Variants in CIP2A observed in about 807,000 individuals in gnomAD.
The protein encoded by CIP2A is cellular inhibitor of PP2A, also known as protein CIP2A.
Under a neutral mutation model 110.9 loss-of-function variants are expected in CIP2A, and 103 were observed. The ratio of observed to expected loss-of-function variants is 0.93; its 90% CI spans 0.79 to 1.09. CIP2A has a LOEUF of 1.09. CIP2A is among the 50% of genes least tolerant of loss of function. The pLI, the probability that CIP2A is intolerant of heterozygous loss-of-function variation, is 0.00. For synonymous variants in CIP2A, 381 were observed against 361.6 expected (o/e 1.05, Z -0.61); for missense variants, 1,088 against 1,038.4 (o/e 1.05, Z -0.66).
chr3:108,572,271 A>G (rs980860680), intron 8 of CIP2A, among the ~76,000 whole-genome samples: 3 of 152,000 alleles, frequency 2.0e-5, no homozygotes, highest in Non-Finnish European at 4.4e-5. Flanking sequence ...TGTCTACCCC[A>G]AGGCCATGAA....
intron 7 of CIP2A, among the ~76,000 whole-genome samples, chr3:108,577,233 A>G (rs1240025314): frequency 6.6e-6 from 1 of 152,190 alleles, no homozygotes; most frequent in East Asian, 1.9e-4. Flanking sequence ...GAAGGGCTAT[A>G]CTGAGAATCT....
At position 108,559,962 on chromosome 3, in the gene CIP2A, T is replaced by C. The variant is rs1425711783; in HGVS notation, c.1894A>G (p.Thr632Ala). The C allele has an allele frequency of 6.3e-7, 1 of 1,595,540 alleles. No homozygotes were observed. Among genetic ancestry groups the C allele is most frequent in the East Asian group, 2.2e-5 (1 of 44,686 alleles). Reference protein sequence around the residue: ...IMDVYEMKLSTLASKESRLQD... With the variant: ...IMDVYEMKLSALASKESRLQD... ...AATAAGCTTATACTCACAGCTAATG[T>C]GGATAGTTTCATTTCATATACATCC... The change falls in exon 15 of 21, where the codon ACA becomes GCA. Residue 632 changes from threonine to alanine, a missense_variant. Transcript: ENST00000295746.
chr3:108,569,792 T>A (rs1472494410), intron 8 of CIP2A, among the ~76,000 whole-genome samples, 185 bp from the exon 9 acceptor site: 3 of 152,062 alleles, frequency 2.0e-5, no homozygotes, highest in Non-Finnish European at 4.4e-5. Context: ...TAAAATAAAC[T>A]TATTAATGGT....
At position 108,553,686 on chromosome 3, in the gene CIP2A, ACTT is replaced by A; in HGVS notation, c.2366_2368del (p.Glu789del). 1 of 1,510,800 alleles carries A rather than the reference ACTT, an allele frequency of 6.6e-7. No individual in the cohort carries two copies. Among genetic ancestry groups the A allele is most frequent in the Non-Finnish European group, 9.2e-7 (1 of 1,088,082 alleles). The allele number at this position is 1,510,800 out of a possible 1,614,324, so 93.6% of individuals were successfully genotyped here. A position where few individuals can be genotyped will look rare whatever the true frequency, so the allele number is the denominator to read the frequency against. On this transcript the variant is annotated inframe_deletion, in exon 19 of 21. Transcript: ENST00000295746. ...TTCTCTGTCTACTAGCTGATTCTGT[ACTT>A]CTTTTCTCTGTTCTTCTTTCTCTAT...
At chr3:108,553,903 A>AAAAAAAAAAAAAAAAAAAAAAAAAAAC (rs1937690731) in intron 18 of CIP2A, among the ~76,000 whole-genome samples, 173 bp from the exon 19 acceptor site, 1 of 125,672 alleles carries the variant, frequency 8.0e-6, no homozygotes, top group Non-Finnish European at 1.8e-5. Flanking sequence ...ATATAAAAAA[A>AAAAAAAAAAAAAAAAAAAAAAAAAAAC]AAAAAAAAAA....
At chr3:108,579,246 A>T (rs773493742) in intron 7 of CIP2A, 35 bp downstream of exon 7, 1 of 1,531,884 alleles carries the variant, frequency 6.5e-7, no homozygotes, top group Admixed American at 1.9e-5. Flanking sequence ...GTTTAAAAAT[A>T]AAAAAGTTCT....
intron 8 of CIP2A, among the ~76,000 whole-genome samples, chr3:108,574,346 A>C (rs1938496038): frequency 6.6e-6 from 1 of 152,230 alleles, no homozygotes; most frequent in South Asian, 2.1e-4. Flanking sequence ...AAAGTGAAAA[A>C]TATCAACTGC....
chr3:108,569,405 A>C lies in CIP2A; in HGVS notation c.1097T>G (p.Phe366Cys), dbSNP rs745403972. 6.2e-7 allele frequency: 1 copy of C among 1,611,958 alleles called. No individual in the cohort carries two copies. The highest frequency in any genetic ancestry group is 1.1e-5 in the South Asian group (1 of 91,016). ...ENCSVLALEL[F>C]KEIFEDVIDA... is the part of the protein sequence containing the mutation. ...TCCTATTACCTCAAATATTTCCTTG[A>C]ACAACTCCAATGCTAAAACAGAACA... is the stretch of plus-strand genomic sequence containing the variant. Residue 366 changes from phenylalanine to cysteine, a missense_variant, in exon 9 of 21, where the codon TTC becomes TGC. Phe to Cys is a radical substitution (Grantham distance 205). Transcript: ENST00000295746.
At chr3:108,585,247 G>A (rs375776391) in intron 1 of CIP2A, 35 bp from the exon 2 acceptor site, 121 of 1,544,214 alleles carry the variant, frequency 7.8e-5, no homozygotes, top group Non-Finnish European at 9.7e-5. Flanking sequence ...TTGGTTAAGC[G>A]ATGGCAATTT....
intron 18 of CIP2A, among the ~76,000 whole-genome samples, 188 bp from the exon 19 acceptor site, chr3:108,553,918 A>AAAAAAAAAAAAAAC: frequency 7.0e-6 from 1 of 143,714 alleles, no homozygotes. Flanking sequence ...AAAAAAAAAA[A>AAAAAAAAAAAAAAC]AGGTCTCGTT....
chr3:108,577,977 C>T (rs1312745917), intron 7 of CIP2A, among the ~76,000 whole-genome samples: 1 of 151,988 alleles, frequency 6.6e-6, no homozygotes, highest in African/African-American at 2.4e-5. Context: ...GAGGTCTGGC[C>T]CAGGTAAAGT....
intron 19 of CIP2A, 149 bp from the exon 20 acceptor site, chr3:108,552,522 A>C (rs925417765): frequency 1.3e-5 from 6 of 450,018 alleles, no homozygotes; most frequent in Non-Finnish European, 2.3e-5. Context: ...AGAAAATACC[A>C]AATCTCCATG....
At position 108,551,293 on chromosome 3, in the gene CIP2A, T is replaced by C. The variant is rs753357259; in HGVS notation, c.2574A>G (p.Ala858=). 9.7e-5 allele frequency: 156 copies of C among 1,611,654 alleles called. No individual in the cohort carries two copies. In the Admixed American group the frequency reaches 2.6e-3, roughly 27 times the overall value. ...IKASSLEVQK[A]QLEGRLEEKE... is the part of the protein sequence containing the mutation. ...TCTCTTCCAAACGACCTTCTAATTG[T>C]GCCTTTTGAACCTCTAGGGAGGAAG... Residue 858 remains alanine, a synonymous_variant, in exon 21 of 21, where the codon GCA becomes GCG. Coordinates refer to ENST00000295746, the MANE Select transcript of CIP2A (RefSeq NM_020890.3).
At chr3:108,563,487 C>A (rs1938078553) in intron 12 of CIP2A, among the ~76,000 whole-genome samples, 1 of 151,906 alleles carries the variant, frequency 6.6e-6, no homozygotes, top group Non-Finnish European at 1.5e-5. Context: ...TGAATGCTTT[C>A]AAATGTGCCT....
intron 1 of CIP2A, among the ~76,000 whole-genome samples, chr3:108,588,607 C>A (rs529212980): frequency 1.3e-5 from 2 of 151,972 alleles, no homozygotes; most frequent in South Asian, 2.1e-4. Flanking sequence ...AAACTGAGGT[C>A]AATGTTAGTT....
At chr3:108,553,832 C>A in intron 18 of CIP2A, 102 bp from the exon 19 acceptor site, 1 of 667,438 alleles carries the variant, frequency 1.5e-6, no homozygotes, top group Non-Finnish European at 2.1e-6. Flanking sequence ...GCGGGCAGAT[C>A]ACAAGGTCAG....
At chr3:108,575,376 A>G (rs1938548311) in intron 8 of CIP2A, among the ~76,000 whole-genome samples, 1 of 150,802 alleles carries the variant, frequency 6.6e-6, no homozygotes, top group Non-Finnish European at 1.5e-5. Context: ...ATACACATAT[A>G]CATGTATGCG....
chr3:108,582,974 T>A lies in CIP2A; in HGVS notation c.357+3A>T, dbSNP rs371126623. 77 of 1,594,918 alleles carry A rather than the reference T, an allele frequency of 4.8e-5. No individual in the cohort carries two copies. In the African/African-American group the frequency reaches 9.7e-4, roughly 20 times the overall value. Reference sequence around the variant, plus strand: ...GGGGAATACACTGTGTGGGTCTGTATACCTGCAAAAACACCGAATCAGTGT... The same window carrying A: ...GGGGAATACACTGTGTGGGTCTGTAAACCTGCAAAAACACCGAATCAGTGT... On this transcript the variant is annotated splice_donor_region_variant and intron_variant, in intron 3 of 20. Transcript: ENST00000295746.
At position 108,568,142 on chromosome 3, in the gene CIP2A, C is replaced by T. The variant is rs1411820334; in HGVS notation, c.1273+13G>A. The T allele has an allele frequency of 1.2e-6, 2 of 1,605,106 alleles. No individual in the cohort carries two copies. Among genetic ancestry groups the T allele is most frequent in the East Asian group, 2.2e-5 (1 of 44,704 alleles). On this transcript the variant is annotated intron_variant, in intron 10 of 20. Transcript: ENST00000295746. ...AGTTATACAGTTTTCACGTTAATGACAGTAAAGGATATTTAACAAAACTTC... is the reference window on the plus strand; with the variant it reads ...AGTTATACAGTTTTCACGTTAATGATAGTAAAGGATATTTAACAAAACTTC...
Sources: gnomAD v4.1 joint callset for allele counts (sites outside exome capture counted in the v4.1 genomes callset) on GRCh38, gnomAD v4.1.1 for gene constraint, MANE v1.5 for transcripts, NCBI Gene and HGNC (gene_info 2026-07-23, HGNC 2026-07-21) for gene names.